Variants in TSHR observed in about 807,000 individuals in gnomAD.
The protein encoded by TSHR is thyrotropin receptor.
A neutral mutation model predicts 64.1 loss-of-function variants in TSHR; 51 were observed. The ratio of observed to expected loss-of-function variants is 0.80; its 90% CI spans 0.64 to 1.01. The LOEUF (loss-of-function observed/expected upper bound fraction) is 1.01, where lower values mean the gene tolerates loss of function less well. Ranked by LOEUF, TSHR falls within the 50% of genes least tolerant of loss-of-function variation. The pLI is 0.00. For missense variants in TSHR, 877 were observed against 942.8 expected, an observed-to-expected ratio of 0.93 and a Z score of 0.91; for synonymous variants, 361 against 361.9, an observed-to-expected ratio of 1.00 and a Z score of 0.03.
At chr14:80,982,953 G>T in intron 1 of TSHR, 1 of 529,192 alleles carries the variant, frequency 1.9e-6, no homozygotes, top group Non-Finnish European at 3.5e-6. Flanking sequence ...TGGACTCTGA[G>T]GAATTTGAAC....
chr14:81,007,847 A>G (rs1181283050), intron 1 of TSHR, among the ~76,000 whole-genome samples: 1 of 152,258 alleles, frequency 6.6e-6, no homozygotes, highest in Non-Finnish European at 1.5e-5. Context: ...AGAGAGCAGG[A>G]TCACTTAGGT....
intron 3 of TSHR, among the ~76,000 whole-genome samples, chr14:81,073,234 A>G (rs948945407): frequency 4.6e-5 from 7 of 151,472 alleles, no homozygotes; most frequent in Admixed American, 4.6e-4. Flanking sequence ...GTAGAACTAA[A>G]AAGATAAACA....
chr14:80,986,223 T>C (rs1272261919), intron 1 of TSHR, among the ~76,000 whole-genome samples: 1 of 152,206 alleles, frequency 6.6e-6, no homozygotes, highest in Non-Finnish European at 1.5e-5. Context: ...GTCTTCATCT[T>C]TCAGTTCCTA....
intron 1 of TSHR, chr14:81,003,339 A>G (rs1407954464): frequency 6.6e-6 from 1 of 152,412 alleles, no homozygotes; most frequent in Non-Finnish European, 1.5e-5. Flanking sequence ...CTGGATAATA[A>G]TGACTGCCAC....
intron 1 of TSHR, among the ~76,000 whole-genome samples, chr14:80,956,562 A>G (rs531369499): frequency 6.6e-6 from 1 of 152,366 alleles, no homozygotes; most frequent in Admixed American, 6.5e-5. Flanking sequence ...CAGCAATTTA[A>G]ATCAGTGATC....
chr14:81,070,728 A>C (rs1350883126), intron 3 of TSHR, among the ~76,000 whole-genome samples: 1 of 151,936 alleles, frequency 6.6e-6, no homozygotes, highest in Non-Finnish European at 1.5e-5. Context: ...AAATCATGGA[A>C]CTTATAAAAC....
intron 3 of TSHR, among the ~76,000 whole-genome samples, chr14:81,070,872 TA>T (rs994205332): frequency 6.6e-6 from 1 of 152,092 alleles, no homozygotes; most frequent in African/African-American, 2.4e-5. Flanking sequence ...AGGCTCATAT[TA>T]AAGGAACTAC....
At chr14:81,037,167 A>G (rs1884669267) in intron 1 of TSHR, among the ~76,000 whole-genome samples, 1 of 152,080 alleles carries the variant, frequency 6.6e-6, no homozygotes, top group Non-Finnish European at 1.5e-5. Context: ...TTAATAAAAA[A>G]TAAACAAATT....
At chr14:81,132,778 A>G (rs994067637) in intron 8 of TSHR, among the ~76,000 whole-genome samples, 12 of 152,164 alleles carry the variant, frequency 7.9e-5, no homozygotes, top group African/African-American at 2.6e-4. Context: ...GTAGCTTTCT[A>G]TCCATATGGC....
intron 8 of TSHR, among the ~76,000 whole-genome samples, chr14:81,134,215 G>A (rs1566831042): frequency 1.3e-5 from 2 of 151,770 alleles, no homozygotes; most frequent in South Asian, 2.1e-4. Flanking sequence ...GGCTCACCAC[G>A]ACCTCCACTT....
intron 7 of TSHR, among the ~76,000 whole-genome samples, chr14:81,097,516 C>T (rs10149807): frequency 0.22 from 33,065 of 151,944 alleles, 4,835 homozygotes; most frequent in African/African-American, 0.41. Context: ...TGGATTTGGC[C>T]TCGGGATTCC....
At chr14:80,987,375 G>A (rs72693080) in intron 1 of TSHR, among the ~76,000 whole-genome samples, 28,136 of 151,968 alleles carry the variant, frequency 0.19, 3,218 homozygotes, top group Admixed American at 0.28. Flanking sequence ...ATTACTTCCC[G>A]GTGACTCCCT....
At chr14:81,042,912 T>A (rs1884990166) in intron 1 of TSHR, among the ~76,000 whole-genome samples, 2 of 152,064 alleles carry the variant, frequency 1.3e-5, no homozygotes, top group Admixed American at 6.6e-5. Context: ...GATAAATATG[T>A]ACAATTATAA....
chr14:80,988,562 C>T (rs1888584730), intron 1 of TSHR, among the ~76,000 whole-genome samples: 1 of 152,150 alleles, frequency 6.6e-6, no homozygotes, highest in Non-Finnish European at 1.5e-5. Flanking sequence ...AGATCCAAAC[C>T]ATATCACTTC....
At position 80,982,091 on chromosome 14, in the gene TSHR, G is replaced by A. The variant is rs1888200905; in HGVS notation, c.170+26241G>A. The stretch of plus-strand genomic sequence containing the variant: ...AGAGGGAGGCTACGGGTGTGGTTAG[G>A]CCTGTAGCCAATACCTGGGCCAAAG... On this transcript the variant is annotated intron_variant, in intron 1 of 9. Transcript: ENST00000298171. 5.5e-6 allele frequency: 3 copies of A among 541,394 alleles called. No individual in the cohort carries two copies. In the Admixed American group the frequency reaches 7.3e-5, roughly 13 times the overall value. 33.5% of individuals were successfully genotyped at this position (541,394 alleles called of 1,614,324 possible).
chr14:81,010,486 T>C (rs1408737090), intron 1 of TSHR, among the ~76,000 whole-genome samples: 1 of 151,978 alleles, frequency 6.6e-6, no homozygotes, highest in African/African-American at 2.4e-5. Context: ...GTTTTTGTTT[T>C]TCTTTTTTAA....
intron 1 of TSHR, 104 bp downstream of exon 1, chr14:80,955,954 G>GT: frequency 7.3e-7 from 1 of 1,378,294 alleles, no homozygotes; most frequent in South Asian, 1.2e-5. Context: ...GAAGTAGTGT[G>GT]TGAGTGTGTG....
chr14:81,084,343 A>T (rs2139956381), intron 3 of TSHR, among the ~76,000 whole-genome samples: 1 of 151,322 alleles, frequency 6.6e-6, no homozygotes, highest in South Asian at 2.1e-4. Flanking sequence ...GATTTTTTGC[A>T]TCCTCTTTAT....
At chr14:81,031,279 C>G (rs991038551) in intron 1 of TSHR, among the ~76,000 whole-genome samples, 1 of 152,122 alleles carries the variant, frequency 6.6e-6, no homozygotes, top group Non-Finnish European at 1.5e-5. Flanking sequence ...TGTGATCCTA[C>G]AGTCATACAT....
Sources: gnomAD v4.1 joint callset for allele counts (sites outside exome capture counted in the v4.1 genomes callset) on GRCh38, gnomAD v4.1.1 for gene constraint, MANE v1.5 for transcripts, NCBI Gene and HGNC (gene_info 2026-07-23, HGNC 2026-07-21) for gene names.